ESRRG: variants seen among roughly 807,000 people sequenced by gnomAD.
The protein encoded by ESRRG is estrogen-related receptor gamma.
Under a neutral mutation model 44.0 loss-of-function variants are expected in ESRRG, and 13 were observed. That is an observed-to-expected ratio of 0.30 (90% CI 0.19 to 0.47). The LOEUF (loss-of-function observed/expected upper bound fraction) is 0.47. Ranked by LOEUF, ESRRG falls within the 20% of genes least tolerant of loss-of-function variation. ESRRG has a pLI of 1.00. For synonymous variants in ESRRG, 215 were observed against 214.6 expected (o/e 1.00, Z -0.02); for missense variants, 395 against 580.6 (o/e 0.68, Z 3.29).
intron 1 of ESRRG, among the ~76,000 whole-genome samples, chr1:217,133,631 T>TTCTTTCTTTCTTTCTTTCTTTCTCTCTC (rs1491192210): frequency 1.0e-4 from 6 of 58,486 alleles, no homozygotes; most frequent in African/African-American, 2.9e-4. Flanking sequence ...CTTTCTTTCT[T>TTCTTTCTTTCTTTCTTTCTTTCTCTCTC]TCTCTCTCTC....
At chr1:216,783,565 G>A (rs746768142) in intron 2 of ESRRG, among the ~76,000 whole-genome samples, 5 of 151,936 alleles carry the variant, frequency 3.3e-5, no homozygotes, top group South Asian at 2.1e-4. Flanking sequence ...ATATCTTCTC[G>A]TGCTAAAAGA....
At chr1:216,997,947 A>G (rs976205442) in intron 1 of ESRRG, among the ~76,000 whole-genome samples, 1 of 152,230 alleles carries the variant, frequency 6.6e-6, no homozygotes, top group African/African-American at 2.4e-5. Flanking sequence ...ATGTACAAAC[A>G]ATAACTCTTT....
intron 2 of ESRRG, among the ~76,000 whole-genome samples, chr1:216,848,875 G>A (rs191483452): frequency 6.6e-6 from 1 of 151,760 alleles, no homozygotes; most frequent in East Asian, 1.9e-4. Flanking sequence ...ATATGCATTA[G>A]AAATATATGT....
At chr1:216,550,054 G>A (rs1470067849) in intron 5 of ESRRG, among the ~76,000 whole-genome samples, 1 of 151,948 alleles carries the variant, frequency 6.6e-6, no homozygotes, top group Non-Finnish European at 1.5e-5. Context: ...GTTAGAAGTT[G>A]AAAAAAAGCA....
intron 2 of ESRRG, among the ~76,000 whole-genome samples, chr1:216,785,270 G>A (rs1251529019): frequency 6.6e-6 from 1 of 151,980 alleles, no homozygotes; most frequent in Non-Finnish European, 1.5e-5. Flanking sequence ...ACACAATTAA[G>A]GCACTTAATG....
intron 1 of ESRRG, among the ~76,000 whole-genome samples, chr1:216,721,295 C>A (rs1188993884): frequency 6.6e-6 from 1 of 152,210 alleles, no homozygotes; most frequent in Non-Finnish European, 1.5e-5. Flanking sequence ...GGTTTCATTT[C>A]TGTGTATACA....
chr1:216,945,937 A>G (rs2065987319), intron 1 of ESRRG, among the ~76,000 whole-genome samples: 1 of 152,156 alleles, frequency 6.6e-6, no homozygotes, highest in Non-Finnish European at 1.5e-5. Context: ...AATTCAATAG[A>G]GATGGTTGGC....
intron 5 of ESRRG, among the ~76,000 whole-genome samples, chr1:216,527,821 A>G (rs12118392): frequency 0.35 from 52,596 of 152,094 alleles, 9,260 homozygotes; most frequent in Non-Finnish European, 0.36. Context: ...AGATGAAGAC[A>G]TAAGCAGGAG....
chr1:216,656,313 A>G (rs2070548218), intron 2 of ESRRG, among the ~76,000 whole-genome samples: 2 of 152,182 alleles, frequency 1.3e-5, no homozygotes, highest in African/African-American at 4.8e-5. Context: ...GTCAATAGCT[A>G]GGGAAGTGTG....
intron 1 of ESRRG, among the ~76,000 whole-genome samples, chr1:217,034,052 T>A (rs1047162507): frequency 5.9e-5 from 9 of 152,164 alleles, no homozygotes; most frequent in Non-Finnish European, 1.5e-5. Context: ...ACAACAATCA[T>A]CCTGAATGTT....
chr1:216,505,281 A>C lies in ESRRG; in HGVS notation c.*1658T>G, dbSNP rs947783038. The C allele has an allele frequency of 6.6e-6, 1 of 152,596 alleles. No homozygotes were observed. The highest frequency in any genetic ancestry group is 1.5e-5 in the Non-Finnish European group (1 of 68,028). 9.5% of individuals were successfully genotyped at this position (152,596 alleles called of 1,614,324 possible). ...TTTCTTCATTAGATTACACCTCTTA[A>C]CAGTCTGGAACCTGACTTGACTTTC... On this transcript the variant is annotated 3_prime_UTR_variant, in exon 7 of 7. Transcript: ENST00000408911.
chr1:217,134,605 G>T (rs1284529151), intron 1 of ESRRG, among the ~76,000 whole-genome samples: 1 of 152,334 alleles, frequency 6.6e-6, no homozygotes, highest in Non-Finnish European at 1.5e-5. Flanking sequence ...AGGCGGGAAA[G>T]GGCACTTTGA....
intron 2 of ESRRG, among the ~76,000 whole-genome samples, chr1:216,837,564 G>A (rs149228610): frequency 3.0e-4 from 45 of 152,296 alleles, no homozygotes; most frequent in African/African-American, 1.0e-3. Context: ...TTGGCTTAAA[G>A]ATAGCCCAGT....
chr1:216,875,175 C>A (rs2096329813), intron 2 of ESRRG, among the ~76,000 whole-genome samples: 2 of 152,174 alleles, frequency 1.3e-5, no homozygotes, highest in African/African-American at 4.8e-5. Flanking sequence ...CTCTAGAGAA[C>A]CCTAATACGA....
intron 2 of ESRRG, among the ~76,000 whole-genome samples, chr1:216,918,216 C>T (rs1299477130): frequency 1.3e-5 from 2 of 152,118 alleles, no homozygotes; most frequent in Non-Finnish European, 2.9e-5. Context: ...TTCCTCTTTT[C>T]AAATATGGAC....
At chr1:217,093,855 ATTAT>A (rs1398398395), upstream of ESRRG, among the ~76,000 whole-genome samples, 1 of 151,292 alleles carries the variant, frequency 6.6e-6, no homozygotes, top group Admixed American at 6.6e-5. Flanking sequence ...ATGAGATAAA[ATTAT>A]TTATTATTAT....
chr1:216,762,373 CCATAAAAAATGA>C (rs1036224154), intron 2 of ESRRG, among the ~76,000 whole-genome samples: 41 of 151,826 alleles, frequency 2.7e-4, no homozygotes, highest in African/African-American at 9.9e-4. Flanking sequence ...TACTATGCAG[CCATAAAAAATGA>C]TGAGTTCATG....
At chr1:217,009,861 G>A (rs6679754) in intron 1 of ESRRG, among the ~76,000 whole-genome samples, 13,037 of 151,534 alleles carry the variant, frequency 0.086, 1,484 homozygotes, top group African/African-American at 0.26. Flanking sequence ...GCCTGCCACC[G>A]TATCTGGCTA....
chr1:217,098,181 C>G (rs756621704), intron 1 of ESRRG, among the ~76,000 whole-genome samples: 1 of 152,106 alleles, frequency 6.6e-6, no homozygotes, highest in Non-Finnish European at 1.5e-5. Context: ...TTTCACAGAC[C>G]CATAAAGCTT....
Sources: allele counts gnomAD v4.1 joint callset (sites outside exome capture counted in the v4.1 genomes callset), GRCh38; gene constraint gnomAD v4.1.1; transcripts MANE v1.5; gene names NCBI Gene and HGNC (gene_info 2026-07-23, HGNC 2026-07-21).